The following UNC80 variants were observed in gnomAD, a reference collection of about 807,000 sequenced individuals.
UNC80 encodes protein unc-80 homolog.
In UNC80, 164 loss-of-function variants were observed where a neutral mutation model predicts 384.6. The ratio of observed to expected loss-of-function variants is 0.43; its 90% CI spans 0.38 to 0.49. The LOEUF is 0.49. Among genes scored for constraint, UNC80 ranks in the 20% least tolerant of loss-of-function variants. UNC80 has a pLI of 0.00. For missense variants in UNC80, 3,330 were observed against 4,143.0 expected (o/e 0.80, Z 5.39); for synonymous variants, 1,486 against 1,527.8 (o/e 0.97, Z 0.64).
In UNC80 at chr2:209,933,956, G is replaced by A. The variant is rs1290760048; in HGVS notation, c.6129G>A (p.Met2043Ile). Residue 2043 changes from methionine to isoleucine, a missense_variant, in exon 39 of 65, where the codon ATG becomes ATA. Met to Ile is a conservative substitution (Grantham distance 10, BLOSUM62 1). This residue lies in a region of UNC80 where 1,049 missense variants were observed against 1,488.6 expected (regional missense o/e 0.70). Coordinates refer to ENST00000673920, the MANE Select transcript of UNC80 (RefSeq NM_001371986.1). The part of the protein sequence containing the change: ...GLFFKDLKQT[M>I]KKEQCEVKLL... ...TCTTCAAGGATCTCAAGCAGACGATGAAGAAGGAGCAGTGTGAGGTGAAGC... is the reference window on the plus strand; with the variant it reads ...TCTTCAAGGATCTCAAGCAGACGATAAAGAAGGAGCAGTGTGAGGTGAAGC... The A allele has an allele frequency of 6.4e-7, 1 of 1,550,654 alleles. No individual in the cohort carries two copies. The highest frequency in any genetic ancestry group is 1.4e-5 in the African/African-American group (1 of 73,076).
chr2:209,901,205 T>C (rs1418569253), intron 28 of UNC80, among the ~76,000 whole-genome samples: 1 of 152,222 alleles, frequency 6.6e-6, no homozygotes, highest in Non-Finnish European at 1.5e-5. Context: ...GAGAAGTCAA[T>C]ACCTGGCTTC....
Position 209,904,820 on chromosome 2 carries a change from G to T in UNC80, c.4637G>T (p.Cys1546Phe). The change falls in exon 29 of 65, where the codon TGC becomes TTC. Residue 1546 changes from cysteine to phenylalanine, a missense_variant. By Grantham distance (205) the Cys-to-Phe change is radical. Transcript: ENST00000673920. ...QSFICTHVDY[C>F]HPHCYLHHSR... ...TTCATCTGCACTCACGTTGACTACT[G>T]CCATCCCCACTGCTACCTGCACCAC... 6.4e-7 allele frequency: 1 copy of T among 1,551,898 alleles called. No homozygotes were observed. The highest frequency in any genetic ancestry group is 1.2e-5 in the South Asian group (1 of 84,056).
At chr2:209,834,189 G>C in intron 17 of UNC80, 21 bp downstream of exon 17, 1 of 1,550,264 alleles carries the variant, frequency 6.5e-7, no homozygotes, top group Non-Finnish European at 8.7e-7. Flanking sequence ...TGAACTCTCT[G>C]AATATTACTG....
chr2:209,902,846 C>G (rs1461799317), intron 28 of UNC80, among the ~76,000 whole-genome samples: 1 of 151,294 alleles, frequency 6.6e-6, no homozygotes, highest in African/African-American at 2.4e-5. Flanking sequence ...GCAACATTTG[C>G]TTTATTTTGG....
At chr2:209,827,066 A>G (rs760648557) in intron 14 of UNC80, among the ~76,000 whole-genome samples, 24 of 152,128 alleles carry the variant, frequency 1.6e-4, no homozygotes, top group Non-Finnish European at 3.2e-4. Context: ...TATTATGTTT[A>G]TATGGGGGTT....
intron 52 of UNC80, chr2:209,968,969 G>A (rs1033047124): frequency 2.0e-5 from 3 of 152,226 alleles, no homozygotes; most frequent in Non-Finnish European, 4.4e-5. Context: ...CTTCAGTGTC[G>A]GAGATGTCAC....
At chr2:209,823,998 T>C (rs1390033834) in intron 13 of UNC80, among the ~76,000 whole-genome samples, 1 of 152,174 alleles carries the variant, frequency 6.6e-6, no homozygotes, top group Non-Finnish European at 1.5e-5. Flanking sequence ...CAAAACTTTA[T>C]TTCATGCACA....
chr2:209,844,547 CCTTT>C (rs879807769), intron 21 of UNC80, among the ~76,000 whole-genome samples: 2,768 of 120,908 alleles, frequency 0.023, 117 homozygotes, highest in South Asian at 0.057. Flanking sequence ...TTCCTTCCTT[CCTTT>C]TTCTTTCCAA....
intron 13 of UNC80, 69 bp downstream of exon 13, chr2:209,820,748 C>T (rs2080077452): frequency 2.1e-6 from 3 of 1,455,964 alleles, no homozygotes; most frequent in Non-Finnish European, 2.7e-6. Context: ...GCTTGCTTGC[C>T]AGCAGTTTAT....
rs2080764559 is a variant in UNC80 at position 209,829,103 on chromosome 2, G to A, written c.2479-129G>A. The A allele has an allele frequency of 5.8e-6, 6 of 1,030,490 alleles. No homozygotes were observed. In the South Asian group the frequency reaches 8.1e-5, roughly 14 times the overall value. The allele number at this position is 1,030,490 out of a possible 1,614,324, so 63.8% of individuals were successfully genotyped here. On this transcript the variant is annotated intron_variant, in intron 14 of 64. Transcript: ENST00000673920. ...TTACTCAGACAAGAGGGGCTAGCAG[G>A]GTTGCCTGTCACCAGCGAGTGGGGA...
intron 25 of UNC80, 76 bp downstream of exon 25, chr2:209,881,170 A>T: frequency 2.0e-6 from 3 of 1,471,272 alleles, no homozygotes; most frequent in Non-Finnish European, 2.7e-6. Flanking sequence ...CAAGATTCAC[A>T]GTTTTCTTAA....
At chr2:209,917,755 A>C (rs1181652404) in intron 31 of UNC80, 22 bp from the exon 32 acceptor site, 1 of 1,551,162 alleles carries the variant, frequency 6.4e-7, no homozygotes, top group Non-Finnish European at 8.7e-7. Context: ...AGCATAGCTG[A>C]TGAATTGTTG....
chr2:209,886,870 A>T (rs7573009), intron 25 of UNC80, among the ~76,000 whole-genome samples: 152,199 of 152,266 alleles, frequency 1, 76,066 homozygotes, highest in Non-Finnish European at 1. Flanking sequence ...GTTCTGGAGG[A>T]CAGAAATCCA....
rs1280581037 is a variant in UNC80, at chr2:209,940,446, G to A, written c.6647-775G>A. On this transcript the variant is annotated intron_variant, in intron 43 of 64. Transcript: ENST00000673920. ...AGAAGGAGACCCACTTTGGAGCCTC[G>A]CTCTGTTACTCAGTTATTAATTTGA... Among the ~76,000 whole-genome samples the A allele has an allele frequency of 2.6e-5, 4 of 152,128 alleles. No homozygotes were observed. In the East Asian group the frequency reaches 5.8e-4, roughly 22 times the overall value.
intron 28 of UNC80, 121 bp from the exon 29 acceptor site, chr2:209,904,644 C>A (rs1000093295): frequency 4.8e-6 from 4 of 834,258 alleles, no homozygotes; most frequent in Non-Finnish European, 7.7e-6. Context: ...TGGACCATTG[C>A]GATTTCAAGA....
At chr2:209,842,937 G>A (rs2124823794) in intron 21 of UNC80, among the ~76,000 whole-genome samples, 1 of 152,218 alleles carries the variant, frequency 6.6e-6, no homozygotes, top group East Asian at 1.9e-4. Flanking sequence ...CCACAAATTT[G>A]CTTCATTTGT....
chr2:209,837,773 CT>C (rs747171151), intron 18 of UNC80, among the ~76,000 whole-genome samples: 1,628 of 141,348 alleles, frequency 0.012, 4 homozygotes, highest in Non-Finnish European at 0.012. Flanking sequence ...GTACCTACAT[CT>C]TTTTTTTTTT....
At chr2:209,951,913 CT>C (rs2092207130) in intron 47 of UNC80, among the ~76,000 whole-genome samples, 1 of 152,032 alleles carries the variant, frequency 6.6e-6, no homozygotes, top group Non-Finnish European at 1.5e-5. Context: ...CCCCTCTGTT[CT>C]GTCTTGATGT....
chr2:209,952,813 G>A (rs561498367), intron 47 of UNC80, among the ~76,000 whole-genome samples: 63 of 152,220 alleles, frequency 4.1e-4, no homozygotes, highest in African/African-American at 1.4e-3. Flanking sequence ...AAGCAGAACC[G>A]ACTTCTTGCC....
Sources: gnomAD v4.1 joint callset for allele counts (sites outside exome capture counted in the v4.1 genomes callset) on GRCh38, gnomAD v4.1.1 for gene constraint, gnomAD v4.1.1 regional missense constraint, MANE v1.5 for transcripts, NCBI Gene and HGNC (gene_info 2026-07-23, HGNC 2026-07-21) for gene names.